The following CD33 variants were observed in gnomAD, a reference collection of about 807,000 sequenced individuals.
The protein encoded by CD33 is CD33 molecule, also known as myeloid cell surface antigen CD33.
A neutral mutation model predicts 31.4 loss-of-function variants in CD33; 25 were observed. The ratio of observed to expected loss-of-function variants is 0.80; its 90% CI spans 0.58 to 1.11. The LOEUF is 1.11. Ranked by LOEUF, CD33 falls within the 50% of genes most tolerant of loss-of-function variation. The probability of loss-of-function intolerance (pLI) is 0.00; values close to 1 mark genes in which losing one functional copy is unlikely to be tolerated. For missense variants in CD33, 407 were observed against 448.1 expected (o/e 0.91, Z 0.83); for synonymous variants, 176 against 180.6 (o/e 0.97, Z 0.20).
chr19:51,235,827 G>A lies in CD33; in HGVS notation c.924+151G>A, dbSNP rs367689451. The A allele has an allele frequency of 3.4e-4, 259 of 758,316 alleles. 2 individuals are homozygous for A. Among genetic ancestry groups the A allele is most frequent in the South Asian group, 2.5e-3 (171 of 68,482 alleles). The allele number at this position is 758,316 out of a possible 1,614,324, so 47.0% of individuals were successfully genotyped here. ...GTAGGTTTTAATATTTTTCAGGTAC[G>A]TTGAGGCCAACAGATCAGGAGATGA... On this transcript the variant is annotated intron_variant, in intron 6 of 6. Coordinates refer to ENST00000262262, the MANE Select transcript of CD33 (RefSeq NM_001772.4).
upstream of CD33, among the ~76,000 whole-genome samples, chr19:51,224,740 C>T (rs1980862008): frequency 6.6e-6 from 1 of 152,126 alleles, no homozygotes; most frequent in African/African-American, 2.4e-5. Flanking sequence ...TCGGGCCAGG[C>T]CAGCAGTGAT....
At position 51,239,523 on chromosome 19, in the gene CD33, C is replaced by T. The variant is rs747473336; in HGVS notation, c.930C>T (p.His310=). ...HPTTGSASPK[H]QKKSKLHGPT... is the part of the protein sequence containing the mutation. ...CCTTCTTTCCTCTCCATAAGAAACA[C>T]CAGAAGAAGTCCAAGTTACATGGCC... Residue 310 remains histidine (H), a synonymous_variant, in exon 7 of 7, where the codon CAC becomes CAT. Coordinates refer to ENST00000262262, the MANE Select transcript of CD33 (RefSeq NM_001772.4). 5 of 1,601,704 alleles carry T rather than the reference C, an allele frequency of 3.1e-6. No homozygotes were observed. In the African/African-American group the frequency reaches 6.7e-5, roughly 22 times the overall value.
intron 4 of CD33, among the ~76,000 whole-genome samples, chr19:51,232,931 G>T (rs1044273115): frequency 6.6e-6 from 1 of 152,176 alleles, no homozygotes; most frequent in Admixed American, 6.5e-5. Flanking sequence ...GTGTGTTTTT[G>T]CCAGGAGTAG....
chr19:51,216,808 A>G, the CD33 span, among the ~76,000 whole-genome samples: 43 of 152,326 alleles, frequency 2.8e-4, no homozygotes, highest in Admixed American at 9.8e-4. Context: ...ATACTGGGGA[A>G]CCATCTCTGT....
upstream of CD33, among the ~76,000 whole-genome samples, chr19:51,222,363 G>A (rs1354475765): frequency 6.6e-6 from 1 of 152,148 alleles, no homozygotes; most frequent in African/African-American, 2.4e-5. Flanking sequence ...AAACTTACAA[G>A]TAGTCATTAG....
upstream of CD33, among the ~76,000 whole-genome samples, chr19:51,222,903 T>C (rs1980752019): frequency 6.6e-6 from 1 of 152,180 alleles, no homozygotes; most frequent in South Asian, 2.1e-4. Context: ...TCCATGAACA[T>C]AGTATGACTT....
chr19:51,214,443 A>G, the CD33 span, among the ~76,000 whole-genome samples: 3 of 139,522 alleles, frequency 2.2e-5, no homozygotes, highest in East Asian at 2.2e-4. Flanking sequence ...TGATCTGCCC[A>G]CCTTGGCCTC....
chr19:51,218,220 C>T, the CD33 span, among the ~76,000 whole-genome samples: 2 of 152,186 alleles, frequency 1.3e-5, no homozygotes, highest in Non-Finnish European at 2.9e-5. Flanking sequence ...AATAGCCATT[C>T]TATCTGGTGG....
the CD33 span, among the ~76,000 whole-genome samples, chr19:51,214,174 CT>C: frequency 0.14 from 16,335 of 120,408 alleles, 3,282 homozygotes; most frequent in African/African-American, 0.45. Context: ...TTTTCTTTTC[CT>C]TTTTTTTTTT....
intron 4 of CD33, 93 bp downstream of exon 4, chr19:51,226,449 G>A (rs1981042764): frequency 1.8e-6 from 2 of 1,129,824 alleles, no homozygotes; most frequent in East Asian, 4.8e-5. Context: ...AATGTTCAGA[G>A]GCAAGGCCTG....
rs761957775 is a variant in CD33 at position 51,225,525 on chromosome 19, A to G, written c.345A>G (p.Ser115=). The G allele has an allele frequency of 4.4e-6, 7 of 1,606,116 alleles. No homozygotes were observed. Among genetic ancestry groups the G allele is most frequent in the Non-Finnish European group, 1.7e-6 (2 of 1,176,090 alleles). The part of the protein sequence containing the change: ...IVDARRRDNG[S]YFFRMERGST... Reference sequence around the variant, plus strand: ...ACGCCAGGAGGAGGGATAATGGTTCATACTTCTTTCGGATGGAGAGAGGAA... The same window carrying G: ...ACGCCAGGAGGAGGGATAATGGTTCGTACTTCTTTCGGATGGAGAGAGGAA... Residue 115 remains serine (S), a synonymous_variant, in exon 2 of 7, where the codon TCA becomes TCG. Coordinates refer to ENST00000262262, the MANE Select transcript of CD33 (RefSeq NM_001772.4).
intron 4 of CD33, among the ~76,000 whole-genome samples, chr19:51,229,872 C>T (rs1393186697): frequency 6.6e-6 from 1 of 151,234 alleles, no homozygotes; most frequent in East Asian, 1.9e-4. Context: ...TCATTTATTT[C>T]TGCTCTGATC....
rs1450380687 is a variant in CD33 at position 51,225,806 on chromosome 19, T to C, written c.422T>C (p.Leu141Ser). 1.9e-6 allele frequency: 3 copies of C among 1,613,324 alleles called. No homozygotes were observed. The highest frequency in any genetic ancestry group is 2.5e-6 in the Non-Finnish European group (3 of 1,179,616). The change falls in exon 3 of 7, where the codon TTG becomes TCG. Residue 141 changes from leucine (L) to serine (S), a missense_variant. Physicochemically the swap from Leu to Ser is moderately radical, Grantham distance 145. Transcript: ENST00000262262. ...SPQLSVHVTD[L>S]THRPKILIPG... is the part of the protein sequence containing the mutation. ...ATCCCCTCTTTCTCCTCACTAGACT[T>C]GACCCACAGGCCCAAAATCCTCATC...
At chr19:51,212,116 G>A in the CD33 span, 17 of 591,092 alleles carry the variant, frequency 2.9e-5, no homozygotes, top group Non-Finnish European at 4.8e-5. Context: ...GTGTGATGGG[G>A]GGAGGACCAG....
At position 51,225,330 on chromosome 19, in the gene CD33, C is replaced by G; in HGVS notation, c.150C>G (p.Tyr50Ter). 6.2e-7 allele frequency: 1 copy of G among 1,614,128 alleles called. No individual in the cohort carries two copies. The highest frequency in any genetic ancestry group is 8.5e-7 in the Non-Finnish European group (1 of 1,179,988). Residue 50 changes from tyrosine (Y) to a stop codon, truncating the protein, a stop_gained, in exon 2 of 7, where the codon TAC becomes TAG. Coordinates refer to ENST00000262262, the MANE Select transcript of CD33 (RefSeq NM_001772.4). LOFTEE classifies it high-confidence loss of function. ...PCTFFHPIPY[Y>*]DKNSPVHGYW... ...CTTTCTTCCATCCCATACCCTACTA[C>G]GACAAGAACTCCCCAGTTCATGGTT...
the CD33 span, among the ~76,000 whole-genome samples, chr19:51,213,865 CT>C: frequency 1.9e-3 from 213 of 112,574 alleles, no homozygotes; most frequent in Non-Finnish European, 1.6e-3. Flanking sequence ...TTTTTTTTTC[CT>C]TTTTTTTTTT....
rs1409942313 is a variant in CD33 at position 51,239,658 on chromosome 19, C to A, written c.1065C>A (p.Ser355=). 1.2e-6 allele frequency: 2 copies of A among 1,613,050 alleles called. No individual in the cohort carries two copies. The highest frequency in any genetic ancestry group is 8.5e-7 in the Non-Finnish European group (1 of 1,179,686). ...GGATGAATCCTTCCAAGGACACCTC[C>A]ACCGAATACTCAGAGGTCAGGACCC... ...FHGMNPSKDT[S]TEYSEVRTQ The change falls in exon 7 of 7, where the codon TCC becomes TCA. Residue 355 remains serine (S), a synonymous_variant. Coordinates refer to ENST00000262262, the MANE Select transcript of CD33 (RefSeq NM_001772.4).
intron 4 of CD33, among the ~76,000 whole-genome samples, chr19:51,229,206 A>T (rs183876606): frequency 6.6e-6 from 1 of 152,152 alleles, no homozygotes; most frequent in Admixed American, 6.5e-5. Context: ...ATTGATTTGC[A>T]TATGTTGAAT....
the CD33 span, chr19:51,211,655 T>G: frequency 8.6e-7 from 1 of 1,167,648 alleles, no homozygotes; most frequent in South Asian, 1.5e-5. Flanking sequence ...GGGCTTGGGA[T>G]GGGACCCATG....
Sources: allele counts gnomAD v4.1 joint callset (sites outside exome capture counted in the v4.1 genomes callset), GRCh38; gene constraint gnomAD v4.1.1; transcripts MANE v1.5; gene names NCBI Gene and HGNC (gene_info 2026-07-23, HGNC 2026-07-21).